The following FSIP1 variants were observed in gnomAD, a reference collection of about 807,000 sequenced individuals.
FSIP1 encodes fibrous sheath interacting protein 1.
FSIP1 carries 65 observed loss-of-function variants against 60.9 expected under a neutral mutation model. The ratio of observed to expected loss-of-function variants is 1.07; its 90% CI spans 0.87 to 1.31. The LOEUF is 1.31. FSIP1 is among the 40% of genes most tolerant of loss of function. FSIP1 has a pLI of 0.00. For missense variants in FSIP1, 675 were observed against 665.5 expected (o/e 1.01, Z -0.16); for synonymous variants, 209 against 221.2 (o/e 0.94, Z 0.49).
intron 3 of FSIP1, among the ~76,000 whole-genome samples, chr15:39,767,494 G>A (rs966959110): frequency 1.3e-5 from 2 of 152,222 alleles, no homozygotes; most frequent in Non-Finnish European, 2.9e-5. Flanking sequence ...CTCCACCCTT[G>A]GGCCTGTGCC....
intron 10 of FSIP1, among the ~76,000 whole-genome samples, chr15:39,687,080 A>T (rs190213061): frequency 9.5e-4 from 140 of 147,524 alleles, no homozygotes; most frequent in Non-Finnish European, 1.8e-3. Context: ...TTACTCAATA[A>T]CACTCCTGCT....
intron 5 of FSIP1, among the ~76,000 whole-genome samples, chr15:39,762,550 C>T (rs1897537218): frequency 6.6e-6 from 1 of 152,220 alleles, no homozygotes; most frequent in African/African-American, 2.4e-5. Context: ...ATCACTGTAG[C>T]CAGGAACTGG....
In FSIP1 at chr15:39,741,789, A is replaced by T; in HGVS notation, c.655+16T>A. 1 of 1,313,582 alleles carries T rather than the reference A, an allele frequency of 7.6e-7. No homozygotes were observed. 81.4% of individuals were successfully genotyped at this position (1,313,582 alleles called of 1,614,324 possible). On this transcript the variant is annotated intron_variant, in intron 6 of 11. Transcript: ENST00000350221. ...CCCTTGTGAAAATGTGTATAATCAC[A>T]CAAATTTAAATATACCTTTATTGAG... is the stretch of plus-strand genomic sequence containing the variant.
chr15:39,728,512 A>G (rs1896284525), intron 8 of FSIP1, among the ~76,000 whole-genome samples: 1 of 152,230 alleles, frequency 6.6e-6, no homozygotes, highest in Non-Finnish European at 1.5e-5. Context: ...ATCTTCAACA[A>G]AGTTGACAAA....
intron 10 of FSIP1, among the ~76,000 whole-genome samples, chr15:39,629,561 C>G (rs1246598346): frequency 6.6e-6 from 1 of 152,166 alleles, no homozygotes; most frequent in Non-Finnish European, 1.5e-5. Flanking sequence ...CCTCAGCCCT[C>G]TCTGCCTGCG....
At chr15:39,655,466 T>G (rs193022080) in intron 10 of FSIP1, among the ~76,000 whole-genome samples, 1 of 152,340 alleles carries the variant, frequency 6.6e-6, no homozygotes, top group Admixed American at 6.5e-5. Flanking sequence ...TCAATTCTTC[T>G]GCTGATTCAA....
intron 10 of FSIP1, among the ~76,000 whole-genome samples, chr15:39,681,570 C>G (rs561950072): frequency 3.3e-5 from 5 of 151,972 alleles, no homozygotes; most frequent in Admixed American, 3.3e-4. Flanking sequence ...AAGAAACATA[C>G]CAATTTTTAA....
intron 2 of FSIP1, among the ~76,000 whole-genome samples, chr15:39,772,316 A>C (rs1897915765): frequency 6.6e-6 from 1 of 152,146 alleles, no homozygotes; most frequent in South Asian, 2.1e-4. Context: ...ACATTTGGAC[A>C]GGGTCTCACT....
At chr15:39,719,031 C>T (rs967396612) in intron 9 of FSIP1, among the ~76,000 whole-genome samples, 1 of 152,166 alleles carries the variant, frequency 6.6e-6, no homozygotes, top group African/African-American at 2.4e-5. Context: ...GGATATATAA[C>T]AGCTTTCTTC....
At chr15:39,769,285 A>G (rs1897801666) in intron 3 of FSIP1, among the ~76,000 whole-genome samples, 1 of 152,074 alleles carries the variant, frequency 6.6e-6, no homozygotes, top group Non-Finnish European at 1.5e-5. Context: ...TCTCAAAAAA[A>G]AAAAAAAAAG....
intron 10 of FSIP1, among the ~76,000 whole-genome samples, chr15:39,710,465 A>G (rs932992994): frequency 6.6e-6 from 1 of 151,726 alleles, no homozygotes; most frequent in Admixed American, 6.6e-5. Context: ...AAAAAAACAT[A>G]AAACAGTACA....
intron 2 of FSIP1, among the ~76,000 whole-genome samples, chr15:39,771,880 T>C (rs373802792): frequency 3.3e-5 from 5 of 152,268 alleles, no homozygotes; most frequent in African/African-American, 1.2e-4. Flanking sequence ...CCTGTGAAAA[T>C]GCTAACATTT....
Position 39,633,091 on chromosome 15 carries a change from C to CTTTTT in FSIP1, c.1189-14851_1189-14847dup, listed in dbSNP as rs869063502. ...AATCTTCCCCACATAGGCTATACTT[C>CTTTTT]TTTTTTTTTTTTTTTTTTTTGAGAT... On this transcript the variant is annotated intron_variant, in intron 10 of 11. Transcript: ENST00000350221. 1.9e-3 allele frequency among the ~76,000 whole-genome samples: 211 copies of CTTTTT among 112,874 alleles called. 10 individuals carry two copies. Among genetic ancestry groups the CTTTTT allele is most frequent in the African/African-American group, 6.3e-3 (172 of 27,098 alleles). The allele number at this position is 112,874 out of a possible 152,430, so 74.0% of individuals were successfully genotyped here. A position where few individuals can be genotyped will look rare whatever the true frequency, so the allele number is the denominator to read the frequency against.
chr15:39,711,306 G>C (rs141689940), intron 10 of FSIP1, among the ~76,000 whole-genome samples: 40 of 148,468 alleles, frequency 2.7e-4, no homozygotes, highest in African/African-American at 9.7e-4. Flanking sequence ...AGGGGCAAAT[G>C]AGTCCCCTGG....
chr15:39,748,366 T>G (rs1370513884), intron 5 of FSIP1, among the ~76,000 whole-genome samples: 3 of 152,212 alleles, frequency 2.0e-5, no homozygotes, highest in Non-Finnish European at 2.9e-5. Flanking sequence ...GAAACAGTCC[T>G]TCTTTTCAAG....
chr15:39,640,307 A>G (rs984908082), intron 10 of FSIP1, among the ~76,000 whole-genome samples: 2 of 152,148 alleles, frequency 1.3e-5, no homozygotes, highest in Admixed American at 6.6e-5. Context: ...AATTTCTTCA[A>G]CTGGAATAGC....
chr15:39,732,591 T>G (rs147479492), intron 8 of FSIP1, among the ~76,000 whole-genome samples: 2 of 129,718 alleles, frequency 1.5e-5, no homozygotes, highest in Non-Finnish European at 3.1e-5. Context: ...TGCACTCCAG[T>G]GTGGGTGACA....
At chr15:39,663,664 G>A (rs1363138192) in intron 10 of FSIP1, among the ~76,000 whole-genome samples, 1 of 152,134 alleles carries the variant, frequency 6.6e-6, no homozygotes, top group Non-Finnish European at 1.5e-5. Flanking sequence ...TTGGGCAGAA[G>A]TAACAATGTG....
chr15:39,603,199 T>C (rs1329238711), intron 11 of FSIP1, among the ~76,000 whole-genome samples: 1 of 152,164 alleles, frequency 6.6e-6, no homozygotes, highest in Non-Finnish European at 1.5e-5. Flanking sequence ...GAAATGTTTG[T>C]GGGGTAAATC....
Sources: allele counts gnomAD v4.1 joint callset (sites outside exome capture counted in the v4.1 genomes callset), GRCh38; gene constraint gnomAD v4.1.1; transcripts MANE v1.5; gene names NCBI Gene and HGNC (gene_info 2026-07-23, HGNC 2026-07-21).